Variants in GARNL3 observed in about 807,000 individuals in gnomAD.
GARNL3 encodes the protein GTPase activating Rap/RanGAP domain like 3, also known as GTPase-activating Rap/Ran-GAP domain-like protein 3.
A neutral mutation model predicts 125.0 loss-of-function variants in GARNL3; 63 were observed. That is an observed-to-expected ratio of 0.50 (90% CI 0.41 to 0.62). The LOEUF (loss-of-function observed/expected upper bound fraction) is 0.62, where lower values mean the gene tolerates loss of function less well. GARNL3 is among the 20% of genes least tolerant of loss of function. GARNL3 has a pLI of 0.00. For synonymous variants in GARNL3, 439 were observed against 457.5 expected, an observed-to-expected ratio of 0.96 and a Z score of 0.52; for missense variants, 994 against 1,244.0, an observed-to-expected ratio of 0.80 and a Z score of 3.02.
At chr9:127,309,154 A>AT (rs1441652784) in intron 2 of GARNL3, among the ~76,000 whole-genome samples, 3 of 152,236 alleles carry the variant, frequency 2.0e-5, no homozygotes, top group African/African-American at 7.2e-5. Context: ...AAGGCAGGAC[A>AT]TAAAAAAGGA....
chr9:127,316,670 G>T (rs1259732654), intron 4 of GARNL3, among the ~76,000 whole-genome samples: 1 of 152,168 alleles, frequency 6.6e-6, no homozygotes, highest in Non-Finnish European at 1.5e-5. Context: ...AGTTTCCTTG[G>T]CTAATGGAGA....
Position 127,385,241 on chromosome 9 carries a change from G to A in GARNL3, c.2388+96G>A, listed in dbSNP as rs1832483683. On this transcript the variant is annotated intron_variant, in intron 24 of 27. Transcript: ENST00000373387. This position sits in a 1 kb window ranked among gnomAD's most constrained non-coding sequence, Gnocchi z 4.1. ...CAGAAGCCGCCTCTTGTCAAGTTAG[G>A]CTGATGAAGACCGGTGTCAGAATGC... The A allele has an allele frequency of 1.5e-6, 1 of 653,562 alleles. No individual in the cohort carries two copies. Among genetic ancestry groups the A allele is most frequent in the South Asian group, 2.1e-5 (1 of 47,296 alleles). The allele number at this position is 653,562 out of a possible 1,614,324, so 40.5% of individuals were successfully genotyped here.
intron 1 of GARNL3, among the ~76,000 whole-genome samples, chr9:127,282,664 CT>C (rs1205459787): frequency 1.3e-5 from 2 of 152,042 alleles, no homozygotes; most frequent in Non-Finnish European, 2.9e-5. Context: ...TTTACATAAT[CT>C]TTTTGAGTTT....
chr9:127,343,113 G>A (rs1402906590), intron 14 of GARNL3, among the ~76,000 whole-genome samples: 1 of 151,868 alleles, frequency 6.6e-6, no homozygotes, highest in Non-Finnish European at 1.5e-5. Flanking sequence ...TAGTCAGGCT[G>A]GTCTCAAACT....
At chr9:127,369,843 A>G (rs543371738) in intron 22 of GARNL3, among the ~76,000 whole-genome samples, 1 of 152,232 alleles carries the variant, frequency 6.6e-6, no homozygotes, top group African/African-American at 2.4e-5. Flanking sequence ...GCCATGGGGG[A>G]AGCTCCAATA....
At chr9:127,380,106 G>A (rs1832162838) in intron 22 of GARNL3, among the ~76,000 whole-genome samples, 1 of 152,000 alleles carries the variant, frequency 6.6e-6, no homozygotes, top group Non-Finnish European at 1.5e-5. Flanking sequence ...TTGAACCCAA[G>A]AGGCAGAACC....
chr9:127,366,356 C>T (rs1831287352), intron 22 of GARNL3, among the ~76,000 whole-genome samples: 1 of 152,234 alleles, frequency 6.6e-6, no homozygotes, highest in South Asian at 2.1e-4. Flanking sequence ...AACTGTGCAC[C>T]CTCCTCAGAA....
intron 21 of GARNL3, among the ~76,000 whole-genome samples, chr9:127,358,358 C>T (rs971136280): frequency 6.6e-6 from 1 of 152,224 alleles, no homozygotes; most frequent in Non-Finnish European, 1.5e-5. Context: ...GTATTCTGGC[C>T]TAGGTACTGA....
At chr9:127,378,524 T>C (rs9792423) in intron 22 of GARNL3, among the ~76,000 whole-genome samples, 24,987 of 145,414 alleles carry the variant, frequency 0.17, 2,411 homozygotes, top group East Asian at 0.38. Flanking sequence ...GAGGCGGAGG[T>C]TGTGGTGAGC....
Position 127,342,306 on chromosome 9 carries a change from A to G in GARNL3, c.1223A>G (p.His408Arg). ...RTLDMLIRSL[H>R]QDLMPDLHKN... ...CTGGATATGTTGATTAGATCTTTAC[A>G]CCAGGATTTGATGCCAGATTTGCAT... is the stretch of plus-strand genomic sequence containing the variant. The change falls in exon 14 of 28, where the codon CAC becomes CGC. Residue 408 changes from histidine (H) to arginine (R), a missense_variant. His to Arg is a conservative substitution (Grantham distance 29). Around this residue, in one of 5 missense-constraint regions of GARNL3, gnomAD observed 728 missense variants for 865.7 expected, o/e 0.84. Coordinates refer to ENST00000373387, the MANE Select transcript of GARNL3 (RefSeq NM_032293.5). 1 of 1,612,608 alleles carries G rather than the reference A, an allele frequency of 6.2e-7. No homozygotes were observed. The highest frequency in any genetic ancestry group is 8.5e-7 in the Non-Finnish European group (1 of 1,178,604).
At chr9:127,360,021 ATTTTTGTTGTTG>A (rs999059805) in intron 21 of GARNL3, among the ~76,000 whole-genome samples, 2 of 151,198 alleles carry the variant, frequency 1.3e-5, no homozygotes, top group African/African-American at 4.9e-5. Flanking sequence ...AAAAAAATGT[ATTTTTGTTGTTG>A]TTGTTGAGAC....
chr9:127,301,925 CTTTTTTTTTTTTTTTT>C (rs754780368), intron 2 of GARNL3, among the ~76,000 whole-genome samples: 6 of 45,398 alleles, frequency 1.3e-4, no homozygotes, highest in South Asian at 1.2e-3. Flanking sequence ...ATTGGGAGGA[CTTTTTTTTTTTTTTTT>C]TTTTTTTTTT....
At chr9:127,250,379 G>A (rs746374739) in intron 2 of GARNL3, among the ~76,000 whole-genome samples, 1 of 152,210 alleles carries the variant, frequency 6.6e-6, no homozygotes, top group Admixed American at 6.5e-5. Context: ...GGTGGTGGGA[G>A]CAGTAGCAGG....
chr9:127,226,447 G>C (rs1395772868), intron 1 of GARNL3, among the ~76,000 whole-genome samples: 1 of 152,196 alleles, frequency 6.6e-6, no homozygotes, highest in Non-Finnish European at 1.5e-5. Context: ...GAACAGAGCT[G>C]TCCTGGTCAC....
At chr9:127,245,450 G>T (rs982402359) in intron 2 of GARNL3, 3 of 152,292 alleles carry the variant, frequency 2.0e-5, no homozygotes, top group Non-Finnish European at 4.4e-5. Context: ...CCTTAGGAAG[G>T]AACCCAGCGG....
chr9:127,289,566 T>C (rs1263062884), intron 1 of GARNL3, among the ~76,000 whole-genome samples: 1 of 152,212 alleles, frequency 6.6e-6, no homozygotes, highest in Non-Finnish European at 1.5e-5. Context: ...ATCCAGAGTT[T>C]TTAGCAGGGC....
chr9:127,350,704 A>G (rs1157567140), intron 17 of GARNL3, among the ~76,000 whole-genome samples: 1 of 151,976 alleles, frequency 6.6e-6, no homozygotes, highest in Non-Finnish European at 1.5e-5. Flanking sequence ...TGAACCCAGG[A>G]GGCGGAGGTT....
chr9:127,291,304 T>C (rs2064407890), intron 2 of GARNL3, 62 bp downstream of exon 2: 1 of 1,419,754 alleles, frequency 7.0e-7, no homozygotes, highest in African/African-American at 1.4e-5. Context: ...GCCTGGGATA[T>C]AGCAGTGAAA....
At chr9:127,309,000 G>A (rs554611118) in intron 2 of GARNL3, among the ~76,000 whole-genome samples, 4 of 152,214 alleles carry the variant, frequency 2.6e-5, no homozygotes, top group African/African-American at 9.6e-5. Flanking sequence ...TATTCTTGCA[G>A]CTTTTATATA....
Sources: allele counts gnomAD v4.1 joint callset (sites outside exome capture counted in the v4.1 genomes callset), GRCh38; gene constraint gnomAD v4.1.1; regional missense constraint gnomAD v4.1.1; non-coding constraint Gnocchi (gnomAD v3.1); transcripts MANE v1.5; gene names NCBI Gene and HGNC (gene_info 2026-07-23, HGNC 2026-07-21).